ESRP1: variants seen among roughly 807,000 people sequenced by gnomAD.
The protein encoded by ESRP1 is RNA-binding motif protein 35A.
Under a neutral mutation model 81.7 loss-of-function variants are expected in ESRP1, and 33 were observed. The observed-to-expected ratio is 0.40, with a 90% CI of 0.31 to 0.54. The LOEUF (loss-of-function observed/expected upper bound fraction) is 0.54. Among genes scored for constraint, ESRP1 ranks in the 20% least tolerant of loss-of-function variants. ESRP1 has a pLI of 0.41. For synonymous variants in ESRP1, 320 were observed against 303.3 expected (o/e 1.06, Z -0.57); for missense variants, 672 against 833.1 (o/e 0.81, Z 2.38).
At chr8:94,644,970 CATT>C (rs1287226361) in intron 3 of ESRP1, among the ~76,000 whole-genome samples, 2 of 152,120 alleles carry the variant, frequency 1.3e-5, no homozygotes, top group Non-Finnish European at 2.9e-5. Flanking sequence ...TTTTAGCCTA[CATT>C]ATTTAATAGA....
chr8:94,682,457 C>G (rs1808926967), intron 13 of ESRP1, among the ~76,000 whole-genome samples: 1 of 152,138 alleles, frequency 6.6e-6, no homozygotes, highest in South Asian at 2.1e-4. Flanking sequence ...GCCTTGATCT[C>G]CCAGGCTCAA....
chr8:94,699,906 T>A (rs1809751988), intron 15 of ESRP1, among the ~76,000 whole-genome samples: 1 of 74,298 alleles, frequency 1.3e-5, no homozygotes, highest in African/African-American at 1.5e-4. Context: ...GTTTTATATA[T>A]ATTTTTTTAC....
At chr8:94,678,443 A>C in intron 13 of ESRP1, 72 bp downstream of exon 13, 10 of 1,522,502 alleles carry the variant, frequency 6.6e-6, no homozygotes, top group South Asian at 1.2e-5. Context: ...GCAAGAGCTC[A>C]CAAAAGAATA....
chr8:94,656,118 ACTCATG>A (rs989092058), intron 4 of ESRP1: 1 of 148,098 alleles, frequency 6.8e-6, no homozygotes, highest in Non-Finnish European at 1.5e-5. Context: ...GCAGGTTAAA[ACTCATG>A]CTCTTGTGCT....
At chr8:94,652,897 G>A (rs1159167887) in intron 4 of ESRP1, among the ~76,000 whole-genome samples, 1 of 152,096 alleles carries the variant, frequency 6.6e-6, no homozygotes, top group Non-Finnish European at 1.5e-5. Flanking sequence ...ATATGCTCTA[G>A]CATCCAACAA....
Position 94,705,985 on chromosome 8 carries a change from C to G in ESRP1, c.*96C>G, listed in dbSNP as rs772400539. On this transcript the variant is annotated 3_prime_UTR_variant, in exon 16 of 16. Transcript: ENST00000433389. ...GACACAAGAAAACTTCTAGCAAATTCAGGGGAAGTTTGTCTACACTCAGGC... is the reference window on the plus strand; with the variant it reads ...GACACAAGAAAACTTCTAGCAAATTGAGGGGAAGTTTGTCTACACTCAGGC... 12 of 1,510,926 alleles carry G rather than the reference C, an allele frequency of 7.9e-6. 1 individual carries two copies. The South Asian group carries it at 1.5e-4, about 19-fold the overall frequency. The allele number at this position is 1,510,926 out of a possible 1,614,324, so 93.6% of individuals were successfully genotyped here. A position where few individuals can be genotyped will look rare whatever the true frequency, so the allele number is the denominator to read the frequency against.
intron 13 of ESRP1, among the ~76,000 whole-genome samples, chr8:94,682,314 C>T (rs548292391): frequency 3.3e-5 from 5 of 152,294 alleles, no homozygotes; most frequent in South Asian, 2.1e-4. Context: ...TACATACCTT[C>T]TATGCATCTC....
At chr8:94,659,656 A>T (rs1343974199) in intron 4 of ESRP1, among the ~76,000 whole-genome samples, 1 of 152,256 alleles carries the variant, frequency 6.6e-6, no homozygotes, top group Non-Finnish European at 1.5e-5. Context: ...GGCCTTATGC[A>T]CCAAATGATT....
intron 13 of ESRP1, among the ~76,000 whole-genome samples, chr8:94,690,722 T>C (rs1382354579): frequency 1.3e-5 from 2 of 152,180 alleles, no homozygotes; most frequent in African/African-American, 2.4e-5. Context: ...GCTTAATTTA[T>C]AGAAGATCTT....
In ESRP1 at chr8:94,671,647, G is replaced by T. The variant is rs139527251; in HGVS notation, c.1428G>T (p.Gly476=). The change falls in exon 11 of 16, where the codon GGG becomes GGT. Residue 476 remains glycine, a synonymous_variant. Coordinates refer to ENST00000433389, the MANE Select transcript of ESRP1 (RefSeq NM_017697.4). ...GEFATDIRTH[G]VHMVLNHQGR... ...TCGCCACAGATATTCGTACTCATGG[G>T]GTTCACATGGTTTTGAATCACCAGG... is the stretch of plus-strand genomic sequence containing the variant. The T allele has an allele frequency of 3.7e-6, 6 of 1,613,584 alleles. No homozygotes were observed. The highest frequency in any genetic ancestry group is 5.1e-6 in the Non-Finnish European group (6 of 1,179,744).
Position 94,692,735 on chromosome 8 carries a change from G to C in ESRP1, c.1879G>C (p.Val627Leu). The C allele has an allele frequency of 6.2e-7, 1 of 1,613,938 alleles. No homozygotes were observed. The change falls in exon 14 of 16, where the codon GTC becomes CTC. Residue 627 changes from valine (V) to leucine (L), a missense_variant. Physicochemically the swap from Val to Leu is conservative, Grantham distance 32. Transcript: ENST00000433389. Reference protein sequence around the residue: ...YFPTAANLSGVPPQPGTVVRM... With the variant: ...YFPTAANLSGLPPQPGTVVRM... ...CCCTACAGCTGCTAATCTTAGCGGTGTCCCTCCACAGCCTGGCACGGTGGT... is the reference window on the plus strand; with the variant it reads ...CCCTACAGCTGCTAATCTTAGCGGTCTCCCTCCACAGCCTGGCACGGTGGT...
At position 94,691,869 on chromosome 8, in the gene ESRP1, T is replaced by G. The variant is rs116966593; in HGVS notation, c.1821-808T>G. On this transcript the variant is annotated intron_variant, in intron 13 of 15. Transcript: ENST00000433389. Reference sequence around the variant, plus strand: ...TTTAATTATATTAAACTATATATTATGTAAAATGAATTGTGTAATAAAAAT... The same window carrying G: ...TTTAATTATATTAAACTATATATTAGGTAAAATGAATTGTGTAATAAAAAT... Among the ~76,000 whole-genome samples, 22 of 152,296 alleles carry G rather than the reference T, an allele frequency of 1.4e-4. No individual in the cohort carries two copies. The East Asian group carries it at 4.2e-3, about 29-fold the overall frequency.
At position 94,699,415 on chromosome 8, in the gene ESRP1, C is replaced by T. The variant is rs137909211; in HGVS notation, c.*35+2454C>T. Among the ~76,000 whole-genome samples the T allele has an allele frequency of 3.0e-3, 457 of 151,974 alleles. 1 individual carries two copies. The highest frequency in any genetic ancestry group is 0.01 in the African/African-American group (433 of 41,492). On this transcript the variant is annotated intron_variant, in intron 15 of 15. Coordinates refer to ENST00000433389, the MANE Select transcript of ESRP1 (RefSeq NM_017697.4). ...CAGCACCTGGGGAGACTCAGGTGGG[C>T]AGATCACTTAAGCCCTAGAAATTTG...
At chr8:94,667,192 T>G (rs1302169084) in intron 9 of ESRP1, among the ~76,000 whole-genome samples, 1 of 149,850 alleles carries the variant, frequency 6.7e-6, no homozygotes, top group Non-Finnish European at 1.5e-5. Flanking sequence ...CACTCCAGCC[T>G]AGGAGACAGA....
At chr8:94,695,783 C>T (rs143545679) in intron 14 of ESRP1, among the ~76,000 whole-genome samples, 3,081 of 152,082 alleles carry the variant, frequency 0.02, 95 homozygotes, top group African/African-American at 0.069. Context: ...CTACTCTAGG[C>T]CAGGCACAGT....
intron 15 of ESRP1, among the ~76,000 whole-genome samples, chr8:94,700,961 G>A (rs992394202): frequency 8.1e-6 from 1 of 123,750 alleles, no homozygotes; most frequent in African/African-American, 3.6e-5. Flanking sequence ...GTATGTGTGT[G>A]TGTGTGTGTG....
chr8:94,673,765 C>T (rs1344118855), intron 11 of ESRP1, among the ~76,000 whole-genome samples: 5 of 152,150 alleles, frequency 3.3e-5, no homozygotes, highest in Non-Finnish European at 5.9e-5. Flanking sequence ...TTGCACCTCC[C>T]AAATTCCTTG....
Position 94,692,792 on chromosome 8 carries a change from G to C in ESRP1, c.1936G>C (p.Val646Leu). The C allele has an allele frequency of 6.2e-7, 1 of 1,613,726 alleles. No individual in the cohort carries two copies. Among genetic ancestry groups the C allele is most frequent in the Non-Finnish European group, 8.5e-7 (1 of 1,179,812 alleles). Residue 646 changes from valine (V) to leucine (L), a missense_variant, in exon 14 of 16, where the codon GTT becomes CTT. Transcript: ENST00000433389. ...GCAGGGCCTGGCCTACAATACTGGA[G>C]TTAAGGAAATTCTTAACTTCTTCCA... is the stretch of plus-strand genomic sequence containing the variant. Reference protein sequence around the residue: ...RMQGLAYNTGVKEILNFFQGY... With the variant: ...RMQGLAYNTGLKEILNFFQGY...
intron 13 of ESRP1, among the ~76,000 whole-genome samples, chr8:94,679,349 A>G (rs903039143): frequency 6.6e-6 from 1 of 152,176 alleles, no homozygotes; most frequent in African/African-American, 2.4e-5. Flanking sequence ...ACTGTTCATG[A>G]TGGAATACTG....
Sources: allele counts gnomAD v4.1 joint callset (sites outside exome capture counted in the v4.1 genomes callset), GRCh38; gene constraint gnomAD v4.1.1; transcripts MANE v1.5; gene names NCBI Gene and HGNC (gene_info 2026-07-23, HGNC 2026-07-21).